Variants in RAB2A observed in about 807,000 individuals in gnomAD.
The protein encoded by RAB2A is ras-related protein Rab-2A.
A neutral mutation model predicts 32.5 loss-of-function variants in RAB2A; 7 were observed. The observed-to-expected ratio is 0.22, with a 90% confidence interval of 0.12 to 0.40. The LOEUF (loss-of-function observed/expected upper bound fraction) is 0.40. RAB2A is among the 10% of genes least tolerant of loss of function. RAB2A has a pLI of 1.00. For missense variants in RAB2A, 108 were observed against 260.7 expected, an observed-to-expected ratio of 0.41 and a Z score of 4.03; for synonymous variants, 79 against 85.2, an observed-to-expected ratio of 0.93 and a Z score of 0.40.
chr8:60,601,914 G>GTC (rs1804140443), intron 6 of RAB2A, among the ~76,000 whole-genome samples: 1 of 152,130 alleles, frequency 6.6e-6, no homozygotes, highest in Admixed American at 6.6e-5. Flanking sequence ...TTGAGACAGG[G>GTC]TCTCACTCTG....
At position 60,608,489 on chromosome 8, in the gene RAB2A, C is replaced by G. The variant is rs1431766888; in HGVS notation, c.475-10091C>G. ...CCGGTCCTGCTCCCTCTCCCTCTTC[C>G]TCTCCTTCTTCCTCTCCTTCTTCCT... On this transcript the variant is annotated intron_variant, in intron 6 of 7. Transcript: ENST00000262646. Among the ~76,000 whole-genome samples, 15 of 72,452 alleles carry G rather than the reference C, an allele frequency of 2.1e-4. No individual in the cohort carries two copies. In the East Asian group the frequency reaches 5.8e-3, roughly 28 times the overall value. The allele number at this position is 72,452 out of a possible 152,430, so 47.5% of individuals were successfully genotyped here.
intron 1 of RAB2A, chr8:60,552,955 G>C (rs1039896735): frequency 2.0e-5 from 3 of 152,162 alleles, no homozygotes; most frequent in African/African-American, 7.2e-5. Context: ...TCTGTTATGG[G>C]AGAGCCTATA....
rs1807588950 is a variant in RAB2A at position 60,538,384 on chromosome 8, TA to T, written c.47-20467del. Among the ~76,000 whole-genome samples the T allele has an allele frequency of 2.0e-5, 3 of 152,312 alleles. No individual in the cohort carries two copies. The South Asian group carries it at 6.2e-4, about 32-fold the overall frequency. On this transcript the variant is annotated intron_variant, in intron 1 of 7. Transcript: ENST00000262646. ...GGGAGTTCAATTAGGAAACATAAAC[TA>T]CACAGGAATTTGAACAGAGAAAGTC...
chr8:60,527,934 A>G (rs1160004321), intron 1 of RAB2A, among the ~76,000 whole-genome samples: 2 of 152,184 alleles, frequency 1.3e-5, no homozygotes, highest in Non-Finnish European at 2.9e-5. Flanking sequence ...AGGTGAGGAA[A>G]GGGACACTGG....
intron 6 of RAB2A, among the ~76,000 whole-genome samples, chr8:60,599,292 CTAAA>C (rs1268241865): frequency 4.6e-5 from 7 of 152,086 alleles, no homozygotes; most frequent in African/African-American, 1.4e-4. Flanking sequence ...AAAAGAAAAT[CTAAA>C]TAAATAGAGA....
intron 6 of RAB2A, among the ~76,000 whole-genome samples, chr8:60,595,415 A>G (rs566970430): frequency 1.3e-5 from 2 of 152,350 alleles, no homozygotes; most frequent in East Asian, 3.9e-4. Context: ...CAATAACTAA[A>G]TGTTGGTGGT....
At chr8:60,573,314 C>T (rs1272888630) in intron 3 of RAB2A, among the ~76,000 whole-genome samples, 1 of 152,174 alleles carries the variant, frequency 6.6e-6, no homozygotes, top group Non-Finnish European at 1.5e-5. Context: ...CTATTTTTCT[C>T]CAGTCACTCA....
At chr8:60,601,510 G>T (rs930083595) in intron 6 of RAB2A, among the ~76,000 whole-genome samples, 1 of 152,044 alleles carries the variant, frequency 6.6e-6, no homozygotes. Context: ...GCTAATTTTT[G>T]TACTTCTAGT....
At chr8:60,577,185 A>G (rs1367217351) in intron 3 of RAB2A, among the ~76,000 whole-genome samples, 1 of 151,784 alleles carries the variant, frequency 6.6e-6, no homozygotes, top group Non-Finnish European at 1.5e-5. Context: ...ACCTGGGACT[A>G]CAGGCACTCG....
rs553501864 is a variant in RAB2A, at chr8:60,583,740, A to G, written c.187-468A>G. 8.5e-5 allele frequency among the ~76,000 whole-genome samples: 13 copies of G among 152,314 alleles called. No individual in the cohort carries two copies. In the South Asian group the frequency reaches 2.7e-3, roughly 32 times the overall value. On this transcript the variant is annotated intron_variant, in intron 3 of 7. Coordinates refer to ENST00000262646, the MANE Select transcript of RAB2A (RefSeq NM_002865.3). The stretch of plus-strand genomic sequence containing the variant: ...AGCAGATGGTGGGCGTAAAGATGTC[A>G]TTCATCATTTATTTACAATGGGTTT...
At chr8:60,600,755 A>G (rs1804121061) in intron 6 of RAB2A, among the ~76,000 whole-genome samples, 1 of 152,244 alleles carries the variant, frequency 6.6e-6, no homozygotes, top group East Asian at 1.9e-4. Flanking sequence ...GAAACTACAG[A>G]TACTATACAG....
At chr8:60,559,521 T>C (rs1291147609) in intron 2 of RAB2A, among the ~76,000 whole-genome samples, 1 of 152,226 alleles carries the variant, frequency 6.6e-6, no homozygotes, top group African/African-American at 2.4e-5. Context: ...TCAACAAATA[T>C]TAGCTGTTAT....
chr8:60,555,175 A>G (rs1259816951), intron 1 of RAB2A, among the ~76,000 whole-genome samples: 2 of 152,172 alleles, frequency 1.3e-5, no homozygotes, highest in Non-Finnish European at 2.9e-5. Context: ...AATAAATTAG[A>G]CCTCTGTCTC....
At chr8:60,548,714 A>G (rs192564335) in intron 1 of RAB2A, among the ~76,000 whole-genome samples, 49,212 of 106,964 alleles carry the variant, frequency 0.46, 11,437 homozygotes, top group African/African-American at 0.62. Flanking sequence ...CAGTAGGGGC[A>G]GCCGGGCAGA....
intron 1 of RAB2A, among the ~76,000 whole-genome samples, chr8:60,518,088 A>G (rs1023865788): frequency 5.3e-5 from 8 of 152,212 alleles, no homozygotes; most frequent in Non-Finnish European, 1.0e-4. Flanking sequence ...CCATGAGCTG[A>G]AAGAAATTCA....
chr8:60,518,235 C>A (rs182111917), intron 1 of RAB2A, among the ~76,000 whole-genome samples: 1 of 152,182 alleles, frequency 6.6e-6, no homozygotes, highest in African/African-American at 2.4e-5. Context: ...GATGTTGCAA[C>A]TATTAATATA....
At chr8:60,616,433 C>T (rs938886075) in intron 6 of RAB2A, among the ~76,000 whole-genome samples, 1 of 152,148 alleles carries the variant, frequency 6.6e-6, no homozygotes, top group African/African-American at 2.4e-5. Flanking sequence ...GCACTTCCAG[C>T]CCTGTGAATT....
chr8:60,573,487 T>G (rs964865514), intron 3 of RAB2A, among the ~76,000 whole-genome samples: 2 of 152,178 alleles, frequency 1.3e-5, no homozygotes, highest in African/African-American at 4.8e-5. Context: ...TTCCCTTAAA[T>G]GATAACCGTA....
At chr8:60,615,970 C>G (rs2150438925) in intron 6 of RAB2A, among the ~76,000 whole-genome samples, 1 of 152,122 alleles carries the variant, frequency 6.6e-6, no homozygotes, top group Middle Eastern at 3.4e-3. Context: ...ATAATATGCT[C>G]AGGGGGTAGA....
Sources: allele counts gnomAD v4.1 joint callset (sites outside exome capture counted in the v4.1 genomes callset), GRCh38; gene constraint gnomAD v4.1.1; transcripts MANE v1.5; gene names NCBI Gene and HGNC (gene_info 2026-07-23, HGNC 2026-07-21).